Variants in RIMBP2 observed in about 807,000 individuals in gnomAD.
RIMBP2 encodes RIMS binding protein 2, also known as RIMS-binding protein 2.
In RIMBP2, 48 loss-of-function variants were observed where a neutral mutation model predicts 118.6. The ratio of observed to expected loss-of-function variants is 0.40; its 90% CI spans 0.32 to 0.51. The LOEUF is 0.51. Among genes scored for constraint, RIMBP2 ranks in the 20% least tolerant of loss-of-function variants. The pLI is 0.41. For missense variants in RIMBP2, 1,551 were observed against 1,768.3 expected (o/e 0.88, Z 2.20); for synonymous variants, 762 against 742.9 (o/e 1.03, Z -0.42).
At chr12:130,497,698 A>T (rs1261416861) in intron 4 of RIMBP2, among the ~76,000 whole-genome samples, 1 of 152,134 alleles carries the variant, frequency 6.6e-6, no homozygotes, top group Non-Finnish European at 1.5e-5. Flanking sequence ...GCAGTGAGTA[A>T]AAAAGCCCAA....
intron 19 of RIMBP2, among the ~76,000 whole-genome samples, chr12:130,410,328 T>C (rs2075611189): frequency 6.6e-6 from 1 of 152,252 alleles, no homozygotes; most frequent in East Asian, 1.9e-4. Flanking sequence ...TGCCAGCCTG[T>C]GGCTTTTTAT....
intron 2 of RIMBP2, among the ~76,000 whole-genome samples, chr12:130,611,238 C>T (rs2060525789): frequency 6.6e-6 from 1 of 152,318 alleles, no homozygotes; most frequent in East Asian, 1.9e-4. Flanking sequence ...CATTCCCCTC[C>T]CATCCCACGA....
chr12:130,666,397 A>T (rs1338963859), intron 1 of RIMBP2, among the ~76,000 whole-genome samples: 2 of 152,190 alleles, frequency 1.3e-5, no homozygotes. Flanking sequence ...ATACAACGGC[A>T]CCAAGCAGTA....
chr12:130,593,706 A>AT lies in RIMBP2; in HGVS notation c.-217+34615dup, dbSNP rs555699950. On this transcript the variant is annotated intron_variant, in intron 2 of 22. Transcript: ENST00000690449. ...TCTCCATTTTAAAATGTTAGCAAGT[A>AT]TTTTTTTCTAAACACTGCATGCCAA... 2.6e-5 allele frequency among the ~76,000 whole-genome samples: 4 copies of AT among 152,176 alleles called. No individual in the cohort carries two copies. In the South Asian group the frequency reaches 8.3e-4, roughly 32 times the overall value.
At chr12:130,437,563 C>A (rs1205431376) in intron 12 of RIMBP2, among the ~76,000 whole-genome samples, 1 of 152,242 alleles carries the variant, frequency 6.6e-6, no homozygotes, top group Non-Finnish European at 1.5e-5. Context: ...ATCCTCTGGA[C>A]CCATTCTGAG....
At chr12:130,625,560 T>C (rs2061571042) in intron 2 of RIMBP2, among the ~76,000 whole-genome samples, 1 of 152,170 alleles carries the variant, frequency 6.6e-6, no homozygotes, top group Admixed American at 6.5e-5. Context: ...TGAGGACCTA[T>C]TTTCTAATTG....
At chr12:130,636,359 A>G (rs1395711049) in intron 1 of RIMBP2, among the ~76,000 whole-genome samples, 4 of 151,930 alleles carry the variant, frequency 2.6e-5, no homozygotes, top group Non-Finnish European at 4.4e-5. Context: ...CAGAACTAGA[A>G]CCACGTGGAG....
chr12:130,418,957 G>A (rs1019797930), intron 17 of RIMBP2, among the ~76,000 whole-genome samples: 13 of 152,220 alleles, frequency 8.5e-5, no homozygotes, highest in African/African-American at 3.1e-4. Flanking sequence ...ACAATGTCAC[G>A]TTGTTTTGGG....
intron 1 of RIMBP2, among the ~76,000 whole-genome samples, chr12:130,715,280 C>G (rs988564491): frequency 2.0e-5 from 3 of 152,178 alleles, no homozygotes; most frequent in African/African-American, 7.2e-5. Flanking sequence ...CCAGAGGCCA[C>G]GCAGGCACGG....
chr12:130,451,399 G>A (rs1449497954), intron 7 of RIMBP2, 59 bp from the exon 8 acceptor site: 11 of 1,542,328 alleles, frequency 7.1e-6, no homozygotes, highest in Admixed American at 3.7e-5. Context: ...GTCAAAGCAC[G>A]TTGGTCATGC....
chr12:130,617,649 CAG>C lies in RIMBP2; in HGVS notation c.-217+10671_-217+10672del, dbSNP rs2061027757. Among the ~76,000 whole-genome samples the C allele has an allele frequency of 6.6e-6, 1 of 152,180 alleles. No homozygotes were observed. Among genetic ancestry groups the C allele is most frequent in the Non-Finnish European group, 1.5e-5 (1 of 68,042 alleles). ...TTTCAGCTGAAGCTTCAGAAAGTAACAGAGAGGGCCTTGGGCTGAGTGTCTAT... is the reference window on the plus strand; with the variant it reads ...TTTCAGCTGAAGCTTCAGAAAGTAACAGAGGGCCTTGGGCTGAGTGTCTAT... On this transcript the variant is annotated intron_variant, in intron 2 of 22. Transcript: ENST00000690449. This position sits in a 1 kb window ranked among gnomAD's most constrained non-coding sequence, Gnocchi z 4.6.
intron 2 of RIMBP2, among the ~76,000 whole-genome samples, chr12:130,556,362 G>C (rs1183711669): frequency 6.6e-6 from 1 of 152,182 alleles, no homozygotes; most frequent in African/African-American, 2.4e-5. Context: ...CATTCTCACT[G>C]TTTGCATAAT....
At chr12:130,601,629 T>C (rs2059890828) in intron 2 of RIMBP2, among the ~76,000 whole-genome samples, 1 of 152,304 alleles carries the variant, frequency 6.6e-6, no homozygotes, top group East Asian at 1.9e-4. Context: ...CCAGCACACA[T>C]AGAATGCTTA....
chr12:130,652,692 T>C (rs1382237899), intron 1 of RIMBP2, among the ~76,000 whole-genome samples: 1 of 152,196 alleles, frequency 6.6e-6, no homozygotes, highest in Non-Finnish European at 1.5e-5. Flanking sequence ...ACCTGGGTGA[T>C]TTATAAAGAA....
chr12:130,538,365 G>A (rs1335228330), intron 2 of RIMBP2, among the ~76,000 whole-genome samples: 1 of 151,846 alleles, frequency 6.6e-6, no homozygotes, highest in African/African-American at 2.4e-5. Context: ...GTAAACGTCC[G>A]TATGTTTGTC....
intron 1 of RIMBP2, among the ~76,000 whole-genome samples, chr12:130,711,636 A>G (rs1949922683): frequency 6.6e-6 from 1 of 152,268 alleles, no homozygotes; most frequent in Admixed American, 6.5e-5. Context: ...TCTCACACAT[A>G]TGAAAATAAC....
At chr12:130,559,629 G>A (rs534772386) in intron 2 of RIMBP2, among the ~76,000 whole-genome samples, 3 of 152,268 alleles carry the variant, frequency 2.0e-5, no homozygotes, top group Non-Finnish European at 4.4e-5. Context: ...TAAAAAACAC[G>A]ATTCCCATTT....
intron 4 of RIMBP2, among the ~76,000 whole-genome samples, chr12:130,488,227 AG>A (rs564541947): frequency 1.3e-5 from 2 of 152,114 alleles, no homozygotes; most frequent in Admixed American, 6.5e-5. Flanking sequence ...GTTCTCCTGG[AG>A]GCCATCACAC....
intron 1 of RIMBP2, among the ~76,000 whole-genome samples, chr12:130,713,422 C>T (rs1274484783): frequency 6.6e-6 from 1 of 152,168 alleles, no homozygotes; most frequent in African/African-American, 2.4e-5. Flanking sequence ...CAGGTGTCCT[C>T]AGCTGGTTGC....
Sources: allele counts gnomAD v4.1 joint callset (sites outside exome capture counted in the v4.1 genomes callset), GRCh38; gene constraint gnomAD v4.1.1; non-coding constraint Gnocchi (gnomAD v3.1); transcripts MANE v1.5; gene names NCBI Gene and HGNC (gene_info 2026-07-23, HGNC 2026-07-21).